SUSD5: variants seen among roughly 807,000 people sequenced by gnomAD.
SUSD5 encodes sushi domain containing 5.
Under a neutral mutation model 29.5 loss-of-function variants are expected in SUSD5, and 33 were observed. The ratio of observed to expected loss-of-function variants is 1.12; its 90% confidence interval spans 0.85 to 1.49. The LOEUF is 1.49. Ranked by LOEUF, SUSD5 falls within the 40% of genes most tolerant of loss-of-function variation. The probability of loss-of-function intolerance (pLI) is 0.00; values close to 1 mark genes in which losing one functional copy is unlikely to be tolerated. For synonymous variants in SUSD5, 308 were observed against 325.3 expected (o/e 0.95, Z 0.57); for missense variants, 776 against 800.6 (o/e 0.97, Z 0.37).
intron 2 of SUSD5, among the ~76,000 whole-genome samples, chr3:33,208,381 T>C (rs1349910459): frequency 3.3e-5 from 5 of 152,168 alleles, no homozygotes; most frequent in African/African-American, 1.2e-4. Context: ...TAGTTCTAAA[T>C]ATATGATAAT....
Position 33,192,501 on chromosome 3 carries a change from G to C in SUSD5, c.409+15307C>G, listed in dbSNP as rs370770598. Among the ~76,000 whole-genome samples, 61 of 151,632 alleles carry C rather than the reference G, an allele frequency of 4.0e-4. 1 individual carries two copies. The South Asian group carries it at 0.012, about 29-fold the overall frequency. ...TTTATCTTTTCCTTTCAATCTATAA[G>C]ATATCTACATATATCAATACAATAA... is the stretch of plus-strand genomic sequence containing the variant. On this transcript the variant is annotated intron_variant, in intron 3 of 4. Transcript: ENST00000309558.
chr3:33,203,607 G>A (rs1318558126), intron 3 of SUSD5, among the ~76,000 whole-genome samples: 1 of 152,190 alleles, frequency 6.6e-6, no homozygotes, highest in Non-Finnish European at 1.5e-5. Flanking sequence ...TGTCACGGGA[G>A]CCTTGGCATA....
chr3:33,216,878 T>C (rs1166512126), intron 1 of SUSD5, among the ~76,000 whole-genome samples: 1 of 152,158 alleles, frequency 6.6e-6, no homozygotes, highest in Non-Finnish European at 1.5e-5. Flanking sequence ...AGTATAAAAG[T>C]TGGAGCTCAT....
chr3:33,166,844 G>A lies in SUSD5; in HGVS notation c.598+8042C>T, dbSNP rs567485370. On this transcript the variant is annotated intron_variant, in intron 4 of 4. Transcript: ENST00000309558. Reference sequence around the variant, plus strand: ...TAAATGACTTTTGAGTTCCAGTATTGGGGATAATCAATGTCTGCTAACTTC... The same window carrying A: ...TAAATGACTTTTGAGTTCCAGTATTAGGGATAATCAATGTCTGCTAACTTC... Among the ~76,000 whole-genome samples, 8 of 152,228 alleles carry A rather than the reference G, an allele frequency of 5.3e-5. No individual in the cohort carries two copies. In the South Asian group the frequency reaches 1.5e-3, roughly 28 times the overall value.
chr3:33,184,288 A>G (rs2031736555), intron 3 of SUSD5, among the ~76,000 whole-genome samples: 2 of 152,104 alleles, frequency 1.3e-5, no homozygotes. Flanking sequence ...ATTGCATATA[A>G]TTCTTACTTT....
intron 3 of SUSD5, among the ~76,000 whole-genome samples, chr3:33,199,780 T>C (rs2032074580): frequency 6.6e-6 from 1 of 152,208 alleles, no homozygotes; most frequent in Non-Finnish European, 1.5e-5. Flanking sequence ...GGCCATGCTA[T>C]GGTTCAAATG....
At chr3:33,171,298 G>A (rs987172141) in intron 4 of SUSD5, among the ~76,000 whole-genome samples, 17 of 151,774 alleles carry the variant, frequency 1.1e-4, no homozygotes, top group African/African-American at 3.9e-4. Flanking sequence ...GGTGAGCCGA[G>A]ATCATGCCAC....
intron 2 of SUSD5, among the ~76,000 whole-genome samples, chr3:33,209,642 C>T (rs1239393801): frequency 6.9e-6 from 1 of 145,070 alleles, no homozygotes; most frequent in African/African-American, 2.5e-5. Flanking sequence ...TTCTTTCTCT[C>T]TCTTCTTTCT....
In SUSD5 at chr3:33,152,565, C is replaced by T; in HGVS notation, c.*177G>A. 1 of 655,272 alleles carries T rather than the reference C, an allele frequency of 1.5e-6. No individual in the cohort carries two copies. The highest frequency in any genetic ancestry group is 2.6e-6 in the Non-Finnish European group (1 of 389,226). The allele number at this position is 655,272 out of a possible 1,614,324, so 40.6% of individuals were successfully genotyped here. The stretch of plus-strand genomic sequence containing the variant: ...ACATTGACATGAGTGATGATGTCAC[C>T]AAAGCCTCCCTGCCCTCCCAGGTGC... On this transcript the variant is annotated 3_prime_UTR_variant, in exon 5 of 5. Transcript: ENST00000309558.
At chr3:33,194,997 C>A (rs960297277) in intron 3 of SUSD5, among the ~76,000 whole-genome samples, 6 of 152,152 alleles carry the variant, frequency 3.9e-5, no homozygotes, top group African/African-American at 1.4e-4. Flanking sequence ...GAGTTCAAGA[C>A]CAGCCTGGCC....
rs2030922371 is a variant in SUSD5 at position 33,152,433 on chromosome 3, T to A, written c.*309A>T. 3.4e-6 allele frequency: 1 copy of A among 295,736 alleles called. No individual in the cohort carries two copies. The highest frequency in any genetic ancestry group is 6.7e-5 in the East Asian group (1 of 14,942). The allele number at this position is 295,736 out of a possible 1,614,324, so 18.3% of individuals were successfully genotyped here. A position where few individuals can be genotyped will look rare whatever the true frequency, so the allele number is the denominator to read the frequency against. On this transcript the variant is annotated 3_prime_UTR_variant, in exon 5 of 5. Coordinates refer to ENST00000309558, the MANE Select transcript of SUSD5 (RefSeq NM_015551.2). The stretch of plus-strand genomic sequence containing the variant: ...AGACTCTGTCTCAAAAAAAAAAAGA[T>A]AATACTGTGATGAAGGAAGAGGCGA...
chr3:33,159,826 A>G (rs2031141200), intron 4 of SUSD5, among the ~76,000 whole-genome samples: 1 of 152,198 alleles, frequency 6.6e-6, no homozygotes, highest in Non-Finnish European at 1.5e-5. Context: ...AACCTCACGA[A>G]AAGGGAATAA....
At chr3:33,190,175 C>T (rs1002406113) in intron 3 of SUSD5, 2 of 153,548 alleles carry the variant, frequency 1.3e-5, no homozygotes, top group Admixed American at 1.3e-4. Context: ...TTATGGTACA[C>T]ATAAAAAAGT....
At chr3:33,214,152 G>A in intron 1 of SUSD5, 47 bp from the exon 2 acceptor site, 2 of 1,528,828 alleles carry the variant, frequency 1.3e-6, no homozygotes, top group Non-Finnish European at 1.8e-6. Context: ...GGATCCATGG[G>A]AAGTTAGTCT....
At chr3:33,193,308 A>G (rs958752598) in intron 3 of SUSD5, among the ~76,000 whole-genome samples, 2 of 152,212 alleles carry the variant, frequency 1.3e-5, no homozygotes, top group Non-Finnish European at 2.9e-5. Context: ...TGGAGACTGG[A>G]GGACCAGTGA....
intron 2 of SUSD5, among the ~76,000 whole-genome samples, chr3:33,209,601 CCT>C (rs2032284489): frequency 6.7e-6 from 1 of 149,226 alleles, no homozygotes. Context: ...TTCCTTCCTT[CCT>C]CTTTCTCTCT....
At chr3:33,206,139 C>T (rs893131205) in intron 3 of SUSD5, among the ~76,000 whole-genome samples, 4 of 152,026 alleles carry the variant, frequency 2.6e-5, no homozygotes, top group South Asian at 2.1e-4. Flanking sequence ...GTTGGGAAGC[C>T]GAGGCAGGTG....
At chr3:33,199,789 T>A (rs772754716) in intron 3 of SUSD5, among the ~76,000 whole-genome samples, 30 of 152,330 alleles carry the variant, frequency 2.0e-4, no homozygotes, top group Admixed American at 1.1e-3. Context: ...ATGGTTCAAA[T>A]GTTTGACTCC....
intron 4 of SUSD5, chr3:33,168,554 G>C: frequency 1.0e-6 from 1 of 985,494 alleles, no homozygotes; most frequent in Non-Finnish European, 1.2e-6. Context: ...GAGGAGGTGT[G>C]CTGCCCCGAG....
Sources: allele counts gnomAD v4.1 joint callset (sites outside exome capture counted in the v4.1 genomes callset), GRCh38; gene constraint gnomAD v4.1.1; transcripts MANE v1.5; gene names NCBI Gene and HGNC (gene_info 2026-07-23, HGNC 2026-07-21).